Variants in KIT observed in about 807,000 individuals in gnomAD.
KIT encodes the protein KIT proto-oncogene, receptor tyrosine kinase, also known as mast/stem cell growth factor receptor Kit.
KIT carries 16 observed loss-of-function variants against 105.7 expected under a neutral mutation model. The observed-to-expected ratio is 0.15, with a 90% CI of 0.10 to 0.23. KIT has a LOEUF of 0.23. KIT is among the 10% of genes least tolerant of loss of function. KIT has a pLI of 1.00. For synonymous variants in KIT, 438 were observed against 441.1 expected (o/e 0.99, Z 0.09); for missense variants, 858 against 1,213.8 (o/e 0.71, Z 4.36).
In KIT at chr4:54,707,112, A is replaced by T; in HGVS notation, c.940A>T (p.Asn314Tyr). The change falls in exon 6 of 21, where the codon AAT (asparagine) becomes TAT (tyrosine). Residue 314 changes from asparagine to tyrosine, a missense_variant. Physicochemically the swap from Asn to Tyr is moderately radical, Grantham distance 143. Around this residue, in one of 7 missense-constraint regions of KIT, gnomAD observed 401 missense variants for 601.0 expected, o/e 0.67. Transcript: ENST00000288135. ...ATTCTAATTAGATAAAGGATTCATT[A>T]ATATCTTCCCCATGATAAACACTAC... ...TLEVVDKGFINIFPMINTTVF... is the reference protein window; with the variant it reads ...TLEVVDKGFIYIFPMINTTVF... 1 of 1,531,812 alleles carries T rather than the reference A, an allele frequency of 6.5e-7. No homozygotes were observed. Among genetic ancestry groups the T allele is most frequent in the Non-Finnish European group, 9.0e-7 (1 of 1,105,464 alleles). 94.9% of individuals were successfully genotyped at this position (1,531,812 alleles called of 1,614,324 possible).
chr4:54,659,438 A>G (rs545972279), intron 1 of KIT, among the ~76,000 whole-genome samples: 1 of 152,300 alleles, frequency 6.6e-6, no homozygotes, highest in East Asian at 1.9e-4. Flanking sequence ...TAAGGATAGA[A>G]AGTGAGTCTT....
At chr4:54,680,000 G>A (rs944185253) in intron 1 of KIT, among the ~76,000 whole-genome samples, 2 of 152,164 alleles carry the variant, frequency 1.3e-5, no homozygotes, top group African/African-American at 4.8e-5. Context: ...ATGTTGATCA[G>A]GGGTTGGAGG....
Position 54,738,367 on chromosome 4 carries a change from G to T in KIT, c.2803-62G>T, listed in dbSNP as rs1302624976. ...GTTGTGATCTTGACACTGTAAGTAT[G>T]CCTTTTGTTGCTATGTTCGTTGTAG... On this transcript the variant is annotated intron_variant, in intron 20 of 20. Coordinates refer to ENST00000288135, the MANE Select transcript of KIT (RefSeq NM_000222.3). 1.9e-6 allele frequency: 3 copies of T among 1,577,540 alleles called. No individual in the cohort carries two copies. In the African/African-American group the frequency reaches 4.0e-5, roughly 21 times the overall value.
chr4:54,732,059 T>C, intron 16 of KIT, 61 bp downstream of exon 16: 1 of 1,525,814 alleles, frequency 6.6e-7, no homozygotes, highest in Non-Finnish European at 8.8e-7. Flanking sequence ...TTTTTTTTTT[T>C]TTTTTTTTTT....
At chr4:54,735,145 C>T (rs1722850041) in intron 17 of KIT, among the ~76,000 whole-genome samples, 1 of 152,024 alleles carries the variant, frequency 6.6e-6, no homozygotes, top group Non-Finnish European at 1.5e-5. Context: ...TGCGTTTTAT[C>T]ACCTTTGTTA....
intron 2 of KIT, among the ~76,000 whole-genome samples, chr4:54,697,362 A>C (rs1720143027): frequency 6.6e-6 from 1 of 152,258 alleles, no homozygotes; most frequent in Non-Finnish European, 1.5e-5. Context: ...TCAGATGGAA[A>C]GGACAGTTTA....
intron 13 of KIT, 87 bp from the exon 14 acceptor site, chr4:54,729,248 C>CCATGA (rs1268889666): frequency 3.6e-6 from 5 of 1,407,322 alleles, no homozygotes. Flanking sequence ...ATATTAATGG[C>CCATGA]CATGACCACC....
At chr4:54,724,721 A>T (rs998141100) in intron 8 of KIT, among the ~76,000 whole-genome samples, 1 of 152,128 alleles carries the variant, frequency 6.6e-6, no homozygotes, top group Non-Finnish European at 1.5e-5. Context: ...TAGGCCACAC[A>T]TAAAATATAG....
Position 54,707,301 on chromosome 4 carries a change from C to T in KIT, c.1115+14C>T, listed in dbSNP as rs1577967524. ...AAGTAATATCAGGTAAGAAATGGAC[C>T]TTGCCCTGGGGGATTACACATTACC... is the stretch of plus-strand genomic sequence containing the variant. On this transcript the variant is annotated intron_variant, in intron 6 of 20. Coordinates refer to ENST00000288135, the MANE Select transcript of KIT (RefSeq NM_000222.3). 1.3e-6 allele frequency: 2 copies of T among 1,579,676 alleles called. No individual in the cohort carries two copies. Among genetic ancestry groups the T allele is most frequent in the South Asian group, 2.2e-5 (2 of 90,232 alleles).
Position 54,699,837 on chromosome 4 carries a change from G to A in KIT, c.756+71G>A, listed in dbSNP as rs1720341034. 9 of 1,573,396 alleles carry A rather than the reference G, an allele frequency of 5.7e-6. No individual in the cohort carries two copies. The South Asian group carries it at 1.0e-4, about 18-fold the overall frequency. On this transcript the variant is annotated intron_variant, in intron 4 of 20. Transcript: ENST00000288135. Reference sequence around the variant, plus strand: ...ATGATAAGTTTTCTCTTTCAGAAGAGTCTGTCCTGAAACTGCCTCGACTAG... The same window carrying A: ...ATGATAAGTTTTCTCTTTCAGAAGAATCTGTCCTGAAACTGCCTCGACTAG...
rs530071576 is a variant in KIT, at chr4:54,680,502, CT to C, written c.68-15009del. Among the ~76,000 whole-genome samples the C allele has an allele frequency of 4.5e-3, 683 of 151,308 alleles. 5 individuals carry two copies. Among genetic ancestry groups the C allele is most frequent in the African/African-American group, 0.016 (638 of 41,092 alleles). On this transcript the variant is annotated intron_variant, in intron 1 of 20. Transcript: ENST00000288135. ...CGCCTCCCCAGTTCAAGCGATTCTC[CT>C]GCCTCAGCCTGCCGAGTAGCTGGGA...
intron 1 of KIT, among the ~76,000 whole-genome samples, chr4:54,683,775 AAGC>A (rs890403322): frequency 5.3e-5 from 8 of 152,260 alleles, no homozygotes; most frequent in African/African-American, 1.4e-4. Context: ...CAAAAAGCAG[AAGC>A]AGCCCAAGGG....
chr4:54,690,058 TGG>T (rs1184112956), intron 1 of KIT, among the ~76,000 whole-genome samples: 19 of 94,004 alleles, frequency 2.0e-4, no homozygotes, highest in African/African-American at 5.7e-4. Context: ...TTTTTTTTTG[TGG>T]GGGGGGGGGG....
At chr4:54,736,247 T>G (rs1054749563) in intron 17 of KIT, among the ~76,000 whole-genome samples, 1 of 152,196 alleles carries the variant, frequency 6.6e-6, no homozygotes, top group Non-Finnish European at 1.5e-5. Flanking sequence ...TCTCTGACGT[T>G]TGTGCTCTTA....
rs570590927 is a variant in KIT at position 54,692,290 on chromosome 4, GTCCTGTTTTAATC to G, written c.68-3217_68-3205del. Among the ~76,000 whole-genome samples the G allele has an allele frequency of 9.9e-5, 15 of 152,256 alleles. No individual in the cohort carries two copies. In the South Asian group the frequency reaches 3.1e-3, roughly 32 times the overall value. On this transcript the variant is annotated intron_variant, in intron 1 of 20. Coordinates refer to ENST00000288135, the MANE Select transcript of KIT (RefSeq NM_000222.3). ...GATAGCATGTATTAAAAACTATCCA[GTCCTGTTTTAATC>G]TCCTTACATGTGTTACCTCACTTGA... is the stretch of plus-strand genomic sequence containing the variant.
At position 54,723,705 on chromosome 4, in the gene KIT, T is replaced by C. The variant is rs199510933; in HGVS notation, c.1346+7T>C. ...GTCCAGGAACTGAGCAGAGGTGAGA[T>C]GATTATTTTTGGCACTGCTTATAAT... On this transcript the variant is annotated splice_region_variant and intron_variant, in intron 8 of 20. Transcript: ENST00000288135. 25 of 1,539,148 alleles carry C rather than the reference T, an allele frequency of 1.6e-5. No individual in the cohort carries two copies. The Admixed American group carries it at 3.5e-4, about 22-fold the overall frequency.
At chr4:54,689,790 T>TA (rs1300651784) in intron 1 of KIT, among the ~76,000 whole-genome samples, 2 of 152,250 alleles carry the variant, frequency 1.3e-5, no homozygotes, top group Non-Finnish European at 2.9e-5. Flanking sequence ...CAATGTTGTG[T>TA]AACCATCACT....
At chr4:54,680,962 G>C (rs1198064579) in intron 1 of KIT, among the ~76,000 whole-genome samples, 19 of 152,128 alleles carry the variant, frequency 1.2e-4, no homozygotes, top group Admixed American at 1.2e-3. Flanking sequence ...CTGCTCGGAG[G>C]TGAGACTGCA....
At chr4:54,718,976 A>C (rs1287029127) in intron 7 of KIT, among the ~76,000 whole-genome samples, 1 of 152,208 alleles carries the variant, frequency 6.6e-6, no homozygotes, top group Non-Finnish European at 1.5e-5. Flanking sequence ...TTATGGCACA[A>C]GTGTAGGTTT....
Sources: gnomAD v4.1 joint callset for allele counts (sites outside exome capture counted in the v4.1 genomes callset) on GRCh38, gnomAD v4.1.1 for gene constraint, gnomAD v4.1.1 regional missense constraint, MANE v1.5 for transcripts, NCBI Gene and HGNC (gene_info 2026-07-23, HGNC 2026-07-21) for gene names.